Variants in ZBED6 observed in about 807,000 individuals in gnomAD.
The protein encoded by ZBED6 is zinc finger BED domain-containing protein 6.
ZBED6 carries 40 observed loss-of-function variants against 58.4 expected under a neutral mutation model. The observed-to-expected ratio is 0.68, with a 90% CI of 0.53 to 0.89. ZBED6 has a LOEUF of 0.89. ZBED6 is among the 40% of genes least tolerant of loss of function. The pLI, the probability that ZBED6 is intolerant of heterozygous loss-of-function variation, is 0.00. For missense variants in ZBED6, 1,057 were observed against 1,003.9 expected (o/e 1.05, Z -0.71); for synonymous variants, 439 against 350.6 (o/e 1.25, Z -2.82).
exon 1 of ZBED6, chr1:203,798,183 G>A (rs1286681643): frequency 1.3e-6 from 2 of 1,536,112 alleles, no homozygotes; most frequent in Non-Finnish European, 1.7e-6. Context: ...TATTCCTACT[G>A]ATCCATTAGA....
intron 3 of ZBED6, among the ~76,000 whole-genome samples, chr1:203,823,913 C>T (rs6673705): frequency 7.0e-4 from 106 of 152,112 alleles, no homozygotes; most frequent in African/African-American, 2.3e-3. Flanking sequence ...TTTATTGATA[C>T]GGAAATAATC....
At chr1:203,849,650 T>A in intron 13 of ZBED6, 61 bp from the exon 14 acceptor site, 2 of 1,501,832 alleles carry the variant, frequency 1.3e-6, no homozygotes, top group Non-Finnish European at 1.8e-6. Flanking sequence ...GCCTGGTACT[T>A]ACATCATACA....
At chr1:203,826,154 T>C (rs1410573270) in intron 3 of ZBED6, among the ~76,000 whole-genome samples, 1 of 152,200 alleles carries the variant, frequency 6.6e-6, no homozygotes, top group Non-Finnish European at 1.5e-5. Context: ...GTGGTAGCTA[T>C]TACATCTACC....
chr1:203,817,442 T>G (rs926727737), intron 2 of ZBED6, among the ~76,000 whole-genome samples: 1 of 149,908 alleles, frequency 6.7e-6, no homozygotes, highest in Non-Finnish European at 1.5e-5. Context: ...CTTACTAACT[T>G]TGATTTTATA....
chr1:203,850,047 T>C (rs1688884756), intron 14 of ZBED6, 21 bp downstream of exon 14: 1 of 1,612,210 alleles, frequency 6.2e-7, no homozygotes, highest in Non-Finnish European at 8.5e-7. Context: ...CTATACTGTG[T>C]ATTGCTTTAG....
intron 1 of ZBED6, among the ~76,000 whole-genome samples, chr1:203,814,575 A>AAT (rs1675622895): frequency 6.6e-6 from 1 of 152,026 alleles, no homozygotes; most frequent in African/African-American, 2.4e-5. Context: ...ACACGATCCT[A>AAT]ATTTCTGACT....
rs1479066535 is a variant in ZBED6 at position 203,818,551 on chromosome 1, G to A, written c.*2754-19G>A. The A allele has an allele frequency of 1.2e-6, 2 of 1,612,972 alleles. No homozygotes were observed. The highest frequency in any genetic ancestry group is 1.7e-6 in the Non-Finnish European group (2 of 1,179,274). ...TGTATTTCAATGCTACAAATAGAGT[G>A]TTCTCTATTTGTTTACAGGGTGACA... On this transcript the variant is annotated intron_variant, in intron 2 of 16. Coordinates refer to ENST00000550078, the Ensembl canonical transcript of ZBED6.
chr1:203,819,088 A>C (rs573601861), intron 3 of ZBED6, among the ~76,000 whole-genome samples: 1 of 41,224 alleles, frequency 2.4e-5, no homozygotes, highest in African/African-American at 6.6e-5. Context: ...ATATATATAT[A>C]TACACACACA....
At chr1:203,822,675 C>G (rs1679181161) in intron 3 of ZBED6, among the ~76,000 whole-genome samples, 1 of 152,174 alleles carries the variant, frequency 6.6e-6, no homozygotes, top group African/African-American at 2.4e-5. Context: ...AGAGACATTG[C>G]TAACCCTGCT....
intron 1 of ZBED6, among the ~76,000 whole-genome samples, chr1:203,814,541 T>A (rs571224322): frequency 6.6e-6 from 1 of 151,912 alleles, no homozygotes; most frequent in Non-Finnish European, 1.5e-5. Context: ...AAAAAAAGAA[T>A]AACCTTTCCT....
At chr1:203,849,802 A>T in exon 14 of ZBED6, 1 of 1,613,966 alleles carries the variant, frequency 6.2e-7, no homozygotes, top group Non-Finnish European at 8.5e-7. Context: ...AAACAGCAGG[A>T]GAGGGAAAAA....
exon 14 of ZBED6, chr1:203,849,916 A>G (rs569445094): frequency 4.3e-6 from 7 of 1,614,058 alleles, no homozygotes; most frequent in Non-Finnish European, 2.5e-6. Flanking sequence ...CACCTGACCA[A>G]GCGGCTTCCC....
At chr1:203,799,621 A>G in exon 1 of ZBED6, 1 of 703,292 alleles carries the variant, frequency 1.4e-6, no homozygotes. Flanking sequence ...GAGGCTACCC[A>G]GAAAGTGAGC....
At chr1:203,818,135 C>A (rs958478807) in intron 2 of ZBED6, among the ~76,000 whole-genome samples, 2 of 152,086 alleles carry the variant, frequency 1.3e-5, no homozygotes, top group African/African-American at 4.8e-5. Context: ...CGTTTTATTT[C>A]AGATATTACC....
At chr1:203,815,872 T>C (rs1466174756) in intron 1 of ZBED6, among the ~76,000 whole-genome samples, 3 of 152,244 alleles carry the variant, frequency 2.0e-5, no homozygotes, top group Non-Finnish European at 2.9e-5. Flanking sequence ...GCTTTTGTTA[T>C]ATGCTTTTGT....
chr1:203,831,792 A>G, intron 8 of ZBED6, 21 bp downstream of exon 8: 1 of 1,577,316 alleles, frequency 6.3e-7, no homozygotes. Context: ...GATAGGTCTT[A>G]GAGTTGTCAA....
intron 11 of ZBED6, among the ~76,000 whole-genome samples, chr1:203,842,248 G>A (rs1440538626): frequency 3.9e-5 from 6 of 152,268 alleles, no homozygotes; most frequent in East Asian, 1.9e-4. Context: ...CAAGGCAGGC[G>A]GCTGGGAGGT....
intron 8 of ZBED6, among the ~76,000 whole-genome samples, chr1:203,832,153 G>T (rs2103048229): frequency 6.6e-6 from 1 of 152,244 alleles, no homozygotes; most frequent in South Asian, 2.1e-4. Flanking sequence ...CCGTCTTCTG[G>T]GTTCAAGCAA....
chr1:203,810,215 A>G (rs1052319546), intron 1 of ZBED6, among the ~76,000 whole-genome samples: 6 of 151,210 alleles, frequency 4.0e-5, no homozygotes, highest in Admixed American at 1.3e-4. Context: ...GTCTCAAGTG[A>G]TCCTCTTGCC....
Sources: allele counts gnomAD v4.1 joint callset (sites outside exome capture counted in the v4.1 genomes callset), GRCh38; gene constraint gnomAD v4.1.1; transcripts MANE v1.5; gene names NCBI Gene and HGNC (gene_info 2026-07-23, HGNC 2026-07-21).